ACCSL: variants seen among roughly 807,000 people sequenced by gnomAD.
The protein encoded by ACCSL is probable inactive 1-aminocyclopropane-1-carboxylate synthase-like protein 2.
In ACCSL, 55 loss-of-function variants were observed where a neutral mutation model predicts 61.7. That is an observed-to-expected ratio of 0.89 (90% CI 0.72 to 1.12). ACCSL has a LOEUF of 1.12. ACCSL is among the 50% of genes most tolerant of loss of function. ACCSL has a pLI of 0.00. For synonymous variants in ACCSL, 258 were observed against 264.3 expected (o/e 0.98, Z 0.23); for missense variants, 632 against 698.0 (o/e 0.91, Z 1.07).
the ACCSL span, chr11:43,943,026 G>C: frequency 6.6e-7 from 1 of 1,507,080 alleles, no homozygotes. The surrounding 1 kb of genome is among the most constrained non-coding windows in gnomAD (Gnocchi z 4.8). Context: ...CTGCCCAAGG[G>C]CCGGGGCCGG....
chr11:44,037,739 G>T, the ACCSL span, among the ~76,000 whole-genome samples: 1 of 152,184 alleles, frequency 6.6e-6, no homozygotes, highest in Admixed American at 6.5e-5. Context: ...AGATTAGTTA[G>T]AAATGAATAT....
chr11:43,971,474 G>A, the ACCSL span: 99,014 of 151,964 alleles, frequency 0.65, 32,725 homozygotes, highest in East Asian at 0.84. Flanking sequence ...GGGAGGAAGT[G>A]TCTTGCCCAA....
chr11:43,981,775 G>T, the ACCSL span, among the ~76,000 whole-genome samples: 1 of 152,204 alleles, frequency 6.6e-6, no homozygotes, highest in Non-Finnish European at 1.5e-5. Flanking sequence ...GGGTGTGGCC[G>T]TGGTGCCCAT....
the ACCSL span, among the ~76,000 whole-genome samples, chr11:43,990,801 G>A: frequency 2.0e-5 from 3 of 152,196 alleles, no homozygotes; most frequent in South Asian, 2.1e-4. Flanking sequence ...GGGGTGTGCC[G>A]TGGCTCACAC....
At chr11:43,932,042 CGGTGTGTCCTATCCTG>C in the ACCSL span, among the ~76,000 whole-genome samples, 2 of 152,188 alleles carry the variant, frequency 1.3e-5, no homozygotes, top group African/African-American at 4.8e-5. Flanking sequence ...ATAAGGATGA[CGGTGTGTCCTATCCTG>C]GGGCCAGGCT....
At chr11:43,988,806 C>CTTTTT in the ACCSL span, among the ~76,000 whole-genome samples, 101 of 97,218 alleles carry the variant, frequency 1.0e-3, 1 homozygote, top group East Asian at 3.5e-3. Context: ...ATTCTCTCTT[C>CTTTTT]TTTTTTTTTT....
the ACCSL span, among the ~76,000 whole-genome samples, chr11:44,018,992 T>C: frequency 6.6e-6 from 1 of 152,224 alleles, no homozygotes; most frequent in Non-Finnish European, 1.5e-5. Flanking sequence ...CAACCACTAA[T>C]TCATTTTCTG....
At chr11:43,996,065 G>T in the ACCSL span, among the ~76,000 whole-genome samples, 1 of 152,308 alleles carries the variant, frequency 6.6e-6, no homozygotes, top group South Asian at 2.1e-4. Flanking sequence ...CAGGAAGAAC[G>T]CTGTTTACAA....
the ACCSL span, among the ~76,000 whole-genome samples, chr11:43,934,746 G>C: frequency 6.6e-6 from 1 of 152,146 alleles, no homozygotes; most frequent in East Asian, 1.9e-4. Flanking sequence ...AAGCAGAGGA[G>C]GACCTGTGAA....
At chr11:43,986,490 G>A in the ACCSL span, among the ~76,000 whole-genome samples, 4 of 152,078 alleles carry the variant, frequency 2.6e-5, no homozygotes, top group Non-Finnish European at 5.9e-5. Flanking sequence ...GACCTCTCCC[G>A]GGGCCTCCCT....
At chr11:44,023,139 CT>C in the ACCSL span, among the ~76,000 whole-genome samples, 4 of 144,662 alleles carry the variant, frequency 2.8e-5, no homozygotes, top group Non-Finnish European at 6.0e-5. Flanking sequence ...TCACTGCAGA[CT>C]TTCTGGGCTC....
the ACCSL span, among the ~76,000 whole-genome samples, chr11:43,936,007 C>T: frequency 1.3e-5 from 2 of 152,344 alleles, no homozygotes; most frequent in East Asian, 3.9e-4. Flanking sequence ...GGAAGCAGGA[C>T]CCCCGATGCT....
chr11:44,053,186 G>A (rs998331447), intron 7 of ACCSL, 118 bp downstream of exon 7: 4 of 945,786 alleles, frequency 4.2e-6, no homozygotes, highest in African/African-American at 1.6e-5. Flanking sequence ...AGTTGGAAGA[G>A]ACAGTAAATG....
Position 44,051,404 on chromosome 11 carries a change from T to C in ACCSL, c.705T>C (p.Asn235=). Residue 235 remains asparagine, a splice_region_variant and synonymous_variant, in exon 4 of 14, where the codon AAT becomes AAC. Coordinates refer to ENST00000378832, the MANE Select transcript of ACCSL (RefSeq NM_001031854.2). ...CRAPTRLDPE[N]VVVLNGCCSV... ...CACCTACCCGACTTGACCCAGAAAA[T>C]GTGAGTCAGTTTCCCAGCCTTGCTG... 2 of 1,614,046 alleles carry C rather than the reference T, an allele frequency of 1.2e-6. No individual in the cohort carries two copies. The highest frequency in any genetic ancestry group is 1.7e-6 in the Non-Finnish European group (2 of 1,180,000).
the ACCSL span, among the ~76,000 whole-genome samples, chr11:43,985,808 C>T: frequency 2.0e-5 from 3 of 152,156 alleles, no homozygotes; most frequent in East Asian, 1.9e-4. Flanking sequence ...TACTTTGGGC[C>T]GGCGGATCAC....
At chr11:44,031,193 G>A in the ACCSL span, among the ~76,000 whole-genome samples, 47,145 of 152,032 alleles carry the variant, frequency 0.31, 7,639 homozygotes, top group Admixed American at 0.37. Flanking sequence ...GAGATAATGT[G>A]TGTAAAGAGC....
chr11:43,999,333 G>T, the ACCSL span, among the ~76,000 whole-genome samples: 2 of 152,144 alleles, frequency 1.3e-5, no homozygotes, highest in African/African-American at 4.8e-5. Context: ...TCTGGGTCAG[G>T]AATACAGGCA....
chr11:44,048,652 A>G lies in ACCSL; in HGVS notation c.504+112A>G, dbSNP rs1031478828. ...GCTCTCATTCTTTATAGCCTTATGA[A>G]ACGGGCACTCTTGTCATCTTGCAGA... is the stretch of plus-strand genomic sequence containing the variant. On this transcript the variant is annotated intron_variant, in intron 1 of 13. Transcript: ENST00000378832. The G allele has an allele frequency of 3.7e-6, 4 of 1,082,490 alleles. No homozygotes were observed. The African/African-American group carries it at 6.3e-5, about 17-fold the overall frequency. 67.1% of individuals were successfully genotyped at this position (1,082,490 alleles called of 1,614,324 possible).
chr11:43,924,833 A>C, the ACCSL span, among the ~76,000 whole-genome samples: 3 of 152,230 alleles, frequency 2.0e-5, no homozygotes, highest in African/African-American at 7.2e-5. Context: ...GGGCTCCTGC[A>C]GGCCTGGAGA....
Sources: gnomAD v4.1 joint callset for allele counts (sites outside exome capture counted in the v4.1 genomes callset) on GRCh38, gnomAD v4.1.1 for gene constraint, Gnocchi (gnomAD v3.1) non-coding constraint, MANE v1.5 for transcripts, NCBI Gene and HGNC (gene_info 2026-07-23, HGNC 2026-07-21) for gene names.